The following MYO7A variants were observed in gnomAD, a reference collection of about 807,000 sequenced individuals.
MYO7A encodes myosin VIIA, also known as unconventional myosin-VIIa.
A neutral mutation model predicts 263.8 loss-of-function variants in MYO7A; 210 were observed. The ratio of observed to expected loss-of-function variants is 0.80; its 90% CI spans 0.71 to 0.89. The LOEUF is 0.89. Ranked by LOEUF, MYO7A falls within the 40% of genes least tolerant of loss-of-function variation. The pLI is 0.00. For synonymous variants in MYO7A, 1,239 were observed against 1,197.3 expected, an observed-to-expected ratio of 1.03 and a Z score of -0.72; for missense variants, 2,820 against 2,968.3, an observed-to-expected ratio of 0.95 and a Z score of 1.16.
intron 3 of MYO7A, 47 bp from the exon 4 acceptor site, chr11:77,147,751 G>A: frequency 1.3e-6 from 2 of 1,594,658 alleles, no homozygotes; most frequent in Admixed American, 1.7e-5. Flanking sequence ...CCTGAAGTGC[G>A]CAGCCTGGGC....
At chr11:77,167,040 G>A (rs575301860) in intron 15 of MYO7A, among the ~76,000 whole-genome samples, 1 of 152,362 alleles carries the variant, frequency 6.6e-6, no homozygotes, top group East Asian at 1.9e-4. Context: ...AGGCCTCAGC[G>A]GCCTGGGTGG....
intron 2 of MYO7A, among the ~76,000 whole-genome samples, chr11:77,131,553 T>C (rs1950768195): frequency 6.6e-6 from 1 of 152,204 alleles, no homozygotes; most frequent in Non-Finnish European, 1.5e-5. Flanking sequence ...CCATTAGAGA[T>C]GGGCAGGATC....
chr11:77,132,496 T>C (rs1013372216), intron 2 of MYO7A, among the ~76,000 whole-genome samples: 1 of 152,120 alleles, frequency 6.6e-6, no homozygotes, highest in East Asian at 1.9e-4. Flanking sequence ...TGTTTGTGTG[T>C]GTGTTTGTTT....
intron 26 of MYO7A, 24 bp from the exon 27 acceptor site, chr11:77,184,564 C>A: frequency 3.2e-6 from 5 of 1,552,012 alleles, no homozygotes; most frequent in Non-Finnish European, 2.6e-6. Context: ...ACTTTACCTG[C>A]CCTGTCCTCT....
rs563980500 is a variant in MYO7A, at chr11:77,201,668, G to A, written c.5043+30G>A. On this transcript the variant is annotated intron_variant, in intron 36 of 48. Transcript: ENST00000409709. ...GTGGCCTGGGGGTGGCAGATGGGTG[G>A]GAGGTGCCATTAGACCCCTCTTTGT... 3.1e-6 allele frequency: 5 copies of A among 1,604,698 alleles called. No individual in the cohort carries two copies. The African/African-American group carries it at 4.0e-5, about 13-fold the overall frequency.
At chr11:77,202,813 G>A (rs1049780490) in intron 37 of MYO7A, among the ~76,000 whole-genome samples, 1 of 151,992 alleles carries the variant, frequency 6.6e-6, no homozygotes, top group Non-Finnish European at 1.5e-5. Flanking sequence ...GGCGCAGGGT[G>A]GTGGGGGAGG....
chr11:77,144,575 G>C (rs76740102), intron 3 of MYO7A, among the ~76,000 whole-genome samples: 2,931 of 152,124 alleles, frequency 0.019, 83 homozygotes, highest in African/African-American at 0.066. Context: ...CTTCCAGACC[G>C]CTCCTTCACA....
At chr11:77,194,076 G>C in intron 31 of MYO7A, 1 of 633,558 alleles carries the variant, frequency 1.6e-6, no homozygotes, top group East Asian at 3.3e-5. Flanking sequence ...TTGTTTCTTT[G>C]CATCACTTCA....
At chr11:77,173,157 C>T (rs1314938850) in intron 16 of MYO7A, among the ~76,000 whole-genome samples, 1 of 152,220 alleles carries the variant, frequency 6.6e-6, no homozygotes, top group Non-Finnish European at 1.5e-5. Context: ...AGTTTCTTCT[C>T]TTATGCCTCA....
At chr11:77,207,065 C>T (rs1022374824) in intron 41 of MYO7A, 14 of 464,096 alleles carry the variant, frequency 3.0e-5, no homozygotes, top group Admixed American at 2.4e-4. Context: ...GGACTCTGGA[C>T]GCCAAGGCCA....
chr11:77,197,624 A>C (rs1956763997), intron 33 of MYO7A, 26 bp downstream of exon 33: 1 of 1,337,930 alleles, frequency 7.5e-7, no homozygotes, highest in Non-Finnish European at 1.0e-6. Flanking sequence ...CAATGCTCCC[A>C]GTCCCTTGCT....
chr11:77,193,504 A>C (rs1956396069), intron 31 of MYO7A, among the ~76,000 whole-genome samples: 1 of 144,296 alleles, frequency 6.9e-6, no homozygotes. Context: ...GGAGGCAGTA[A>C]TGATGTTGGT....
chr11:77,182,458 T>G lies in MYO7A; in HGVS notation c.3143T>G (p.Phe1048Cys). ...GCGGTCTGGATCACCATCCTCCGCT[T>G]CATGGGGGACCTCCCTGAGCCCAAG... The part of the protein sequence containing the change: ...ALAVWITILR[F>C]MGDLPEPKYH... Residue 1048 changes from phenylalanine to cysteine, a missense_variant, in exon 25 of 49, where the codon TTC becomes TGC. Physicochemically the swap from Phe to Cys is radical, Grantham distance 205. Transcript: ENST00000409709. 6.2e-7 allele frequency: 1 copy of G among 1,613,352 alleles called. No homozygotes were observed. Among genetic ancestry groups the G allele is most frequent in the Non-Finnish European group, 8.5e-7 (1 of 1,179,804 alleles).
intron 32 of MYO7A, among the ~76,000 whole-genome samples, chr11:77,196,704 G>A (rs769491969): frequency 7.1e-6 from 1 of 141,290 alleles, no homozygotes; most frequent in Non-Finnish European, 1.5e-5. Flanking sequence ...AATTCTCACC[G>A]CTCTCAGGAT....
In MYO7A at chr11:77,206,195, C is replaced by G; in HGVS notation, c.5735C>G (p.Thr1912Ser). ...CACAAAGTCTACTTCCCTGATGACACTGACGAGGTGAGGGTCACCGGCTTC... is the reference window on the plus strand; with the variant it reads ...CACAAAGTCTACTTCCCTGATGACAGTGACGAGGTGAGGGTCACCGGCTTC... ...IFHKVYFPDD[T>S]DEAFEVESST... Residue 1912 changes from threonine (T) to serine (S), a missense_variant, in exon 41 of 49, where the codon ACT becomes AGT. Coordinates refer to ENST00000409709, the MANE Select transcript of MYO7A (RefSeq NM_000260.4). 1 of 1,611,374 alleles carries G rather than the reference C, an allele frequency of 6.2e-7. No individual in the cohort carries two copies. The highest frequency in any genetic ancestry group is 8.5e-7 in the Non-Finnish European group (1 of 1,178,480).
In MYO7A at chr11:77,162,382, T is replaced by C. The variant is rs1417101261; in HGVS notation, c.1554+52T>C. 2.2e-5 allele frequency: 33 copies of C among 1,505,778 alleles called. No homozygotes were observed. The South Asian group carries it at 3.6e-4, about 17-fold the overall frequency. The allele number at this position is 1,505,778 out of a possible 1,614,324, so 93.3% of individuals were successfully genotyped here. On this transcript the variant is annotated intron_variant, in intron 13 of 48. Transcript: ENST00000409709. ...AGGGTCTTGGGTGCGCACAGCTTCC[T>C]TCCCTGCTTTGAGCCCCGGCTTTCC...
rs1421850027 is a variant in MYO7A, at chr11:77,193,034, T to A, written c.4152+756T>A. ...GATGGTGGAGGTAGCGATGGTGTTG[T>A]TGGTGATGGTGGAGGTGGTGATGGT... is the stretch of plus-strand genomic sequence containing the variant. On this transcript the variant is annotated intron_variant, in intron 31 of 48. Transcript: ENST00000409709. Among the ~76,000 whole-genome samples, 33 of 114,618 alleles carry A rather than the reference T, an allele frequency of 2.9e-4. 10 individuals are homozygous for A. Among genetic ancestry groups the A allele is most frequent in the Non-Finnish European group, 4.0e-4 (22 of 55,650 alleles). The allele number at this position is 114,618 out of a possible 152,430, so 75.2% of individuals were successfully genotyped here. A position where few individuals can be genotyped will look rare whatever the true frequency, so the allele number is the denominator to read the frequency against.
intron 15 of MYO7A, among the ~76,000 whole-genome samples, chr11:77,171,660 A>G (rs1954107075): frequency 6.6e-6 from 1 of 152,250 alleles, no homozygotes; most frequent in African/African-American, 2.4e-5. Flanking sequence ...ATCAGATGAA[A>G]TGATGACTCT....
chr11:77,182,674 GGCTCCTCT>G, intron 25 of MYO7A, 74 bp downstream of exon 25: 2 of 1,507,136 alleles, frequency 1.3e-6, no homozygotes, highest in Admixed American at 1.9e-5. Context: ...ACCAGCCTTG[GGCTCCTCT>G]GCAGAAAAAG....
Sources: gnomAD v4.1 joint callset for allele counts (sites outside exome capture counted in the v4.1 genomes callset) on GRCh38, gnomAD v4.1.1 for gene constraint, MANE v1.5 for transcripts, NCBI Gene and HGNC (gene_info 2026-07-23, HGNC 2026-07-21) for gene names.